The following GRM5 variants were observed in gnomAD, a reference collection of about 807,000 sequenced individuals.
GRM5 encodes the protein metabotropic glutamate receptor 5.
GRM5 carries 19 observed loss-of-function variants against 83.1 expected under a neutral mutation model. That is an observed-to-expected ratio of 0.23 (90% CI 0.16 to 0.34). GRM5 has a LOEUF of 0.34. Among genes scored for constraint, GRM5 ranks in the 10% least tolerant of loss-of-function variants. The pLI, the probability that GRM5 is intolerant of heterozygous loss-of-function variation, is 1.00. For missense variants in GRM5, 1,160 were observed against 1,588.3 expected (o/e 0.73, Z 4.58); for synonymous variants, 675 against 633.6 (o/e 1.07, Z -0.98).
At chr11:88,561,749 A>G (rs1005442888) in intron 8 of GRM5, among the ~76,000 whole-genome samples, 9 of 152,280 alleles carry the variant, frequency 5.9e-5, no homozygotes, top group East Asian at 1.9e-4. Context: ...GCATGTTTCC[A>G]TATAAAAAAA....
At chr11:88,814,578 A>G (rs1027665459) in intron 3 of GRM5, among the ~76,000 whole-genome samples, 2 of 152,196 alleles carry the variant, frequency 1.3e-5, no homozygotes, top group Non-Finnish European at 2.9e-5. Context: ...TTCTATATAT[A>G]TACTAAACAC....
intron 9 of GRM5, among the ~76,000 whole-genome samples, chr11:88,512,632 T>G (rs1489011159): frequency 6.6e-6 from 1 of 152,178 alleles, no homozygotes; most frequent in Non-Finnish European, 1.5e-5. Flanking sequence ...AATCCGGTTC[T>G]TATTCTGGAT....
At position 88,801,939 on chromosome 11, in the gene GRM5, T is replaced by G. The variant is rs563187288; in HGVS notation, c.911+47967A>C. Among the ~76,000 whole-genome samples the G allele has an allele frequency of 2.6e-5, 4 of 152,156 alleles. No individual in the cohort carries two copies. In the East Asian group the frequency reaches 7.7e-4, roughly 29 times the overall value. On this transcript the variant is annotated intron_variant, in intron 3 of 9. Transcript: ENST00000305447. ...TAACCCTTTTCTGGTTACACCCATG[T>G]GGATGATGCAATAAGGGTCAGGAAT...
intron 2 of GRM5, among the ~76,000 whole-genome samples, chr11:88,858,724 G>A (rs952937560): frequency 4.0e-5 from 6 of 151,854 alleles, no homozygotes; most frequent in Non-Finnish European, 8.8e-5. Flanking sequence ...CATATAACTG[G>A]GTTGAATGAA....
chr11:88,697,592 C>T (rs971636830), intron 3 of GRM5, among the ~76,000 whole-genome samples: 1 of 152,178 alleles, frequency 6.6e-6, no homozygotes, highest in African/African-American at 2.4e-5. Flanking sequence ...AGCCTCAGAT[C>T]CATGGACTAC....
chr11:88,967,262 T>C lies in GRM5; in HGVS notation c.661+79950A>G, dbSNP rs868446936. On this transcript the variant is annotated intron_variant, in intron 2 of 9. Transcript: ENST00000305447. The stretch of plus-strand genomic sequence containing the variant: ...ATATATATACACATATATATATATA[T>C]ATATATATATATATAAAATCTTCTG... Among the ~76,000 whole-genome samples, 119 of 145,958 alleles carry C rather than the reference T, an allele frequency of 8.2e-4. 1 individual carries two copies. The highest frequency in any genetic ancestry group is 2.3e-3 in the African/African-American group (93 of 39,950).
intron 2 of GRM5, chr11:89,009,025 T>C (rs1342408494): frequency 1.4e-6 from 1 of 727,280 alleles, no homozygotes; most frequent in East Asian, 2.6e-5. Flanking sequence ...AGCCCTATTG[T>C]TTTACACACC....
chr11:88,936,801 C>T (rs1937913768), intron 2 of GRM5, among the ~76,000 whole-genome samples: 1 of 151,928 alleles, frequency 6.6e-6, no homozygotes, highest in African/African-American at 2.4e-5. Context: ...TCACTTTACC[C>T]TTTCAGTTAG....
chr11:88,968,583 G>A (rs1939067660), intron 2 of GRM5, among the ~76,000 whole-genome samples: 1 of 152,080 alleles, frequency 6.6e-6, no homozygotes. Flanking sequence ...CAGCTACTTA[G>A]GAAGATCGCT....
At chr11:88,857,046 A>C (rs1944490061) in intron 2 of GRM5, among the ~76,000 whole-genome samples, 2 of 152,088 alleles carry the variant, frequency 1.3e-5, no homozygotes, top group South Asian at 2.1e-4. Context: ...TGTTACAAGA[A>C]ACAAATTTCC....
chr11:89,038,664 C>A (rs1941452757), intron 2 of GRM5, among the ~76,000 whole-genome samples: 1 of 152,122 alleles, frequency 6.6e-6, no homozygotes. Flanking sequence ...GCTTTCAAAG[C>A]TAGATAAAAA....
chr11:88,851,150 C>T (rs199963452), intron 2 of GRM5, among the ~76,000 whole-genome samples: 1 of 80,776 alleles, frequency 1.2e-5, no homozygotes, highest in Admixed American at 1.3e-4. Context: ...ATTCTAATTA[C>T]ATCCGCATTT....
intron 2 of GRM5, among the ~76,000 whole-genome samples, chr11:89,009,799 G>T (rs1182342234): frequency 6.7e-6 from 1 of 149,064 alleles, no homozygotes; most frequent in African/African-American, 2.5e-5. Flanking sequence ...TACTCGGGAG[G>T]CTGAGGCAGG....
rs1942733907 is a variant in GRM5 at position 88,771,405 on chromosome 11, C to T, written c.911+78501G>A. On this transcript the variant is annotated intron_variant, in intron 3 of 9. Coordinates refer to ENST00000305447, the MANE Select transcript of GRM5 (RefSeq NM_001143831.3). ...GGAGCCTTCATTCCACGGCTGAAGG[C>T]CCAAGAGTCCCTAGCAACCCACTGG... 2.6e-5 allele frequency among the ~76,000 whole-genome samples: 4 copies of T among 152,074 alleles called. No individual in the cohort carries two copies. In the South Asian group the frequency reaches 6.2e-4, roughly 24 times the overall value.
At chr11:88,654,229 G>C (rs948354127) in intron 3 of GRM5, among the ~76,000 whole-genome samples, 1 of 152,106 alleles carries the variant, frequency 6.6e-6, no homozygotes, top group Non-Finnish European at 1.5e-5. Context: ...TATAATGCTA[G>C]AGGAGAGTAT....
intron 3 of GRM5, among the ~76,000 whole-genome samples, chr11:88,771,440 A>T (rs1942734847): frequency 6.6e-6 from 1 of 152,136 alleles, no homozygotes; most frequent in Admixed American, 6.6e-5. Flanking sequence ...GTGTAAGTGC[A>T]GGAGTCCAAA....
intron 3 of GRM5, among the ~76,000 whole-genome samples, chr11:88,694,344 G>A (rs1339130737): frequency 6.6e-6 from 1 of 152,104 alleles, no homozygotes; most frequent in African/African-American, 2.4e-5. Context: ...ATCAGTACAG[G>A]AGGAGAGTGG....
rs371844585 is a variant in GRM5, at chr11:88,665,554, C to A, written c.912-12151G>T. Among the ~76,000 whole-genome samples the A allele has an allele frequency of 5.3e-5, 8 of 152,160 alleles. No individual in the cohort carries two copies. The East Asian group carries it at 1.4e-3, about 26-fold the overall frequency. On this transcript the variant is annotated intron_variant, in intron 3 of 9. Coordinates refer to ENST00000305447, the MANE Select transcript of GRM5 (RefSeq NM_001143831.3). ...TAGGTATAGAGGAAGAGTAAATAAT[C>A]AAAAATTACACTGGGATTCAGATTA...
At chr11:88,756,085 G>A (rs1942388261) in intron 3 of GRM5, among the ~76,000 whole-genome samples, 1 of 152,016 alleles carries the variant, frequency 6.6e-6, no homozygotes, top group Non-Finnish European at 1.5e-5. Context: ...ACCCATCTAG[G>A]GATTGGTGAT....
Sources: gnomAD v4.1 joint callset for allele counts (sites outside exome capture counted in the v4.1 genomes callset) on GRCh38, gnomAD v4.1.1 for gene constraint, MANE v1.5 for transcripts, NCBI Gene and HGNC (gene_info 2026-07-23, HGNC 2026-07-21) for gene names.